Variants in WWOX observed in about 807,000 individuals in gnomAD.
The protein encoded by WWOX is WW domain containing oxidoreductase, also known as WW domain-containing oxidoreductase.
In WWOX, 69 loss-of-function variants were observed where a neutral mutation model predicts 46.2. The observed-to-expected ratio is 1.49, with a 90% CI of 1.23 to 1.82. WWOX has a LOEUF of 1.82. Ranked by LOEUF, WWOX falls within the 40% of genes most tolerant of loss-of-function variation. The pLI, the probability that WWOX is intolerant of heterozygous loss-of-function variation, is 0.00. For missense variants in WWOX, 919 were observed against 542.6 expected (o/e 1.69, Z -6.89); for synonymous variants, 359 against 202.6 (o/e 1.77, Z -6.56).
At chr16:78,949,157 G>A (rs923059427) in intron 8 of WWOX, among the ~76,000 whole-genome samples, 6 of 152,168 alleles carry the variant, frequency 3.9e-5, no homozygotes, top group African/African-American at 1.4e-4. Flanking sequence ...AATAGGTTTG[G>A]CAGCAGATTC....
intron 5 of WWOX, among the ~76,000 whole-genome samples, chr16:78,314,265 A>T (rs1324179791): frequency 6.6e-6 from 1 of 151,458 alleles, no homozygotes; most frequent in East Asian, 2.0e-4. Context: ...AAAATTAGCC[A>T]GGCATGGTGG....
chr16:78,345,380 C>A (rs564819572), intron 5 of WWOX, among the ~76,000 whole-genome samples: 2 of 98,310 alleles, frequency 2.0e-5, no homozygotes, highest in African/African-American at 6.7e-5. Context: ...CAGCACTTTG[C>A]GAGGCCAAGG....
At chr16:78,114,673 A>T (rs1311132376) in intron 3 of WWOX, among the ~76,000 whole-genome samples, 1 of 152,156 alleles carries the variant, frequency 6.6e-6, no homozygotes, top group Non-Finnish European at 1.5e-5. Flanking sequence ...ATTACATAAA[A>T]GCCCAAAACC....
chr16:78,757,665 ATTATAT>A (rs2049688642), intron 8 of WWOX, among the ~76,000 whole-genome samples: 1 of 151,882 alleles, frequency 6.6e-6, no homozygotes, highest in South Asian at 2.1e-4. Context: ...ATATAAATAC[ATTATAT>A]TTATTCACAT....
intron 8 of WWOX, among the ~76,000 whole-genome samples, chr16:78,660,619 C>T (rs748301724): frequency 6.6e-6 from 1 of 152,114 alleles, no homozygotes; most frequent in Non-Finnish European, 1.5e-5. Context: ...TCCCTACTCA[C>T]TTGGGGGAAA....
At chr16:78,798,569 C>A (rs182559328) in intron 8 of WWOX, among the ~76,000 whole-genome samples, 356 of 147,708 alleles carry the variant, frequency 2.4e-3, no homozygotes, top group Non-Finnish European at 4.0e-3. Context: ...TTCCTCCCTC[C>A]CCCCAAGGTA....
chr16:78,687,368 C>T (rs538682537), intron 8 of WWOX, among the ~76,000 whole-genome samples: 11 of 152,266 alleles, frequency 7.2e-5, no homozygotes, highest in African/African-American at 2.2e-4. Context: ...ATCGAAAATG[C>T]GAAAGTCCTT....
intron 8 of WWOX, among the ~76,000 whole-genome samples, chr16:78,832,789 A>G (rs771494713): frequency 1.3e-5 from 2 of 152,154 alleles, no homozygotes; most frequent in African/African-American, 2.4e-5. Flanking sequence ...TTTACAGAGG[A>G]AACCTTGAGC....
intron 5 of WWOX, among the ~76,000 whole-genome samples, chr16:78,192,989 G>T (rs887055265): frequency 3.9e-5 from 6 of 152,232 alleles, no homozygotes; most frequent in Non-Finnish European, 1.5e-5. Flanking sequence ...AACACATGTG[G>T]CTGAGGGTTG....
intron 8 of WWOX, among the ~76,000 whole-genome samples, chr16:78,942,340 G>C (rs181796991): frequency 3.9e-5 from 6 of 152,154 alleles, no homozygotes; most frequent in African/African-American, 1.4e-4. Context: ...TGATTGAAAA[G>C]TCAAGAACCT....
At chr16:78,941,851 A>G (rs1423861247) in intron 8 of WWOX, among the ~76,000 whole-genome samples, 1 of 152,098 alleles carries the variant, frequency 6.6e-6, no homozygotes, top group African/African-American at 2.4e-5. Flanking sequence ...TTTTTTTGTA[A>G]TCATGGTGGT....
chr16:78,159,743 T>A (rs2034728459), intron 4 of WWOX, among the ~76,000 whole-genome samples: 1 of 141,762 alleles, frequency 7.1e-6, no homozygotes, highest in Non-Finnish European at 1.5e-5. Context: ...ATGAACACTA[T>A]CAGTTATGAG....
chr16:78,765,604 G>A (rs557863065), intron 8 of WWOX, among the ~76,000 whole-genome samples: 5 of 152,130 alleles, frequency 3.3e-5, no homozygotes, highest in African/African-American at 9.6e-5. Context: ...GCTTGAACCC[G>A]GGAGGCAGAC....
chr16:78,422,844 TACACACACACACACACAC>T lies in WWOX; in HGVS notation c.606-2002_606-1985del, dbSNP rs370327902. 1.4e-4 allele frequency among the ~76,000 whole-genome samples: 15 copies of T among 105,112 alleles called. 1 individual carries two copies. The highest frequency in any genetic ancestry group is 1.0e-3 in the East Asian group (4 of 3,868). The allele number at this position is 105,112 out of a possible 152,430, so 69.0% of individuals were successfully genotyped here. A position where few individuals can be genotyped will look rare whatever the true frequency, so the allele number is the denominator to read the frequency against. On this transcript the variant is annotated intron_variant, in intron 6 of 8. Coordinates refer to ENST00000566780, the MANE Select transcript of WWOX (RefSeq NM_016373.4). ...ACACACACATATATATATATACATA[TACACACACACACACACAC>T]ACACACACACACACACACACACATA... is the stretch of plus-strand genomic sequence containing the variant.
intron 8 of WWOX, among the ~76,000 whole-genome samples, chr16:78,951,062 C>G (rs1261856918): frequency 1.3e-5 from 2 of 152,172 alleles, no homozygotes; most frequent in African/African-American, 4.8e-5. Flanking sequence ...TGAGAAGAGG[C>G]CAGATGAGGA....
At chr16:78,531,810 C>T (rs572633702) in intron 8 of WWOX, among the ~76,000 whole-genome samples, 3 of 152,216 alleles carry the variant, frequency 2.0e-5, no homozygotes, top group East Asian at 1.9e-4. Context: ...GTGAGCCAAA[C>T]TTGCACAACT....
intron 8 of WWOX, among the ~76,000 whole-genome samples, chr16:78,829,676 A>G (rs998791451): frequency 6.6e-6 from 1 of 152,136 alleles, no homozygotes; most frequent in Non-Finnish European, 1.5e-5. Context: ...TTAGAAAGTC[A>G]TGTCTCATTC....
intron 8 of WWOX, among the ~76,000 whole-genome samples, chr16:78,690,875 C>G (rs1006975900): frequency 1.3e-5 from 2 of 152,118 alleles, no homozygotes; most frequent in African/African-American, 4.8e-5. Flanking sequence ...CTCTTAGCAC[C>G]GTATCAATAC....
At chr16:78,739,759 C>T (rs949089755) in intron 8 of WWOX, among the ~76,000 whole-genome samples, 3 of 151,998 alleles carry the variant, frequency 2.0e-5, no homozygotes, top group Non-Finnish European at 4.4e-5. Flanking sequence ...TGCAGTGAGC[C>T]GAGATCGTAC....
Sources: allele counts gnomAD v4.1 joint callset (sites outside exome capture counted in the v4.1 genomes callset), GRCh38; gene constraint gnomAD v4.1.1; transcripts MANE v1.5; gene names NCBI Gene and HGNC (gene_info 2026-07-23, HGNC 2026-07-21).